Variants in PLEKHG1 observed in about 807,000 individuals in gnomAD.
The protein encoded by PLEKHG1 is pleckstrin homology domain-containing family G member 1.
In PLEKHG1, 44 loss-of-function variants were observed where a neutral mutation model predicts 100.8. The ratio of observed to expected loss-of-function variants is 0.44; its 90% CI spans 0.34 to 0.56. PLEKHG1 has a LOEUF of 0.56. PLEKHG1 is among the 20% of genes least tolerant of loss of function. PLEKHG1 has a pLI of 0.01. For synonymous variants in PLEKHG1, 640 were observed against 662.5 expected, an observed-to-expected ratio of 0.97 and a Z score of 0.52; for missense variants, 1,545 against 1,720.9, an observed-to-expected ratio of 0.90 and a Z score of 1.81.
chr6:150,733,411 T>C (rs953623590), intron 1 of PLEKHG1, among the ~76,000 whole-genome samples, 173 bp from the exon 3 acceptor site: 17 of 152,196 alleles, frequency 1.1e-4, no homozygotes, highest in African/African-American at 4.1e-4. Flanking sequence ...CAGATGATGC[T>C]TCAGAAACAC....
intron 3 of PLEKHG1, among the ~76,000 whole-genome samples, chr6:150,715,365 T>C (rs2128606220): frequency 6.6e-6 from 1 of 152,310 alleles, no homozygotes; most frequent in East Asian, 1.9e-4. Context: ...AGAATGGTGT[T>C]AGTACGTTAG....
At chr6:150,714,618 C>T (rs151309540) in intron 3 of PLEKHG1, among the ~76,000 whole-genome samples, 147 of 152,264 alleles carry the variant, frequency 9.7e-4, no homozygotes, top group African/African-American at 3.3e-3. Flanking sequence ...TCAATACTGA[C>T]ATTTAGTTCA....
intron 2 of PLEKHG1, among the ~76,000 whole-genome samples, chr6:150,647,054 A>T (rs1301310087): frequency 1.3e-5 from 2 of 152,222 alleles, no homozygotes; most frequent in Non-Finnish European, 2.9e-5. Flanking sequence ...TGTGCTTACG[A>T]ACAAATTTAT....
intron 1 of PLEKHG1, among the ~76,000 whole-genome samples, chr6:150,602,444 C>T (rs1445908559): frequency 1.3e-5 from 2 of 152,180 alleles, no homozygotes; most frequent in Non-Finnish European, 2.9e-5. Flanking sequence ...CTCACATCTA[C>T]GTCTCTGTAG....
intron 3 of PLEKHG1, among the ~76,000 whole-genome samples, chr6:150,669,593 C>CTTTTTTT (rs1214928577): frequency 2.4e-5 from 3 of 127,604 alleles, no homozygotes; most frequent in African/African-American, 2.9e-5. Context: ...AAGAATTATT[C>CTTTTTTT]TTTTTTTTTT....
At chr6:150,832,331 A>G (rs1435907956) in intron 15 of PLEKHG1, 126 bp downstream of exon 16, 4 of 740,356 alleles carry the variant, frequency 5.4e-6, no homozygotes, top group Non-Finnish European at 6.4e-6. Context: ...ATCTCAAAGT[A>G]AGACCACAGA....
intron 2 of PLEKHG1, among the ~76,000 whole-genome samples, chr6:150,746,056 G>A (rs1388968251): frequency 6.6e-6 from 1 of 152,104 alleles, no homozygotes; most frequent in East Asian, 1.9e-4. Flanking sequence ...CAACGGGGAG[G>A]GTCACCTGCC....
chr6:150,698,660 C>T (rs755465028), intron 3 of PLEKHG1, among the ~76,000 whole-genome samples: 5 of 152,218 alleles, frequency 3.3e-5, no homozygotes, highest in South Asian at 2.1e-4. Flanking sequence ...GTAGGCCAGA[C>T]GATACATAAA....
intron 2 of PLEKHG1, among the ~76,000 whole-genome samples, chr6:150,767,506 C>G (rs1784506826): frequency 6.6e-6 from 1 of 152,164 alleles, no homozygotes; most frequent in Non-Finnish European, 1.5e-5. Context: ...AAATGTGCCA[C>G]TTGAGAAAGT....
intron 3 of PLEKHG1, among the ~76,000 whole-genome samples, chr6:150,773,519 G>A (rs1164677539): frequency 6.6e-6 from 1 of 152,218 alleles, no homozygotes; most frequent in Non-Finnish European, 1.5e-5. Context: ...CGGCGACAAA[G>A]CGAGACTCCG....
At chr6:150,685,349 C>T (rs1780081938) in intron 3 of PLEKHG1, among the ~76,000 whole-genome samples, 1 of 152,134 alleles carries the variant, frequency 6.6e-6, no homozygotes, top group Non-Finnish European at 1.5e-5. Context: ...GGTGGCTTTG[C>T]CCCTGAGCAG....
intron 3 of PLEKHG1, among the ~76,000 whole-genome samples, chr6:150,707,146 A>G (rs1192870193): frequency 6.6e-6 from 1 of 151,498 alleles, no homozygotes; most frequent in South Asian, 2.1e-4. Flanking sequence ...CTGGGATTAC[A>G]GGTGCGCGCC....
intron 1 of PLEKHG1, among the ~76,000 whole-genome samples, chr6:150,620,521 A>G (rs1224206589): frequency 1.3e-5 from 2 of 152,222 alleles, no homozygotes; most frequent in South Asian, 2.1e-4. Flanking sequence ...CTCTATGGCC[A>G]TCGGGCCCTC....
At chr6:150,824,642 C>T (rs1381301014) in intron 14 of PLEKHG1, among the ~76,000 whole-genome samples, 1 of 151,964 alleles carries the variant, frequency 6.6e-6, no homozygotes, top group Non-Finnish European at 1.5e-5. Context: ...CTGCCTCAGC[C>T]TCCCAAGTAG....
chr6:150,817,492 T>A (rs1743612920), intron 10 of PLEKHG1, among the ~76,000 whole-genome samples: 1 of 151,786 alleles, frequency 6.6e-6, no homozygotes, highest in African/African-American at 2.4e-5. Context: ...GTGATAAAGA[T>A]ACCAGGCTCC....
chr6:150,659,520 G>T (rs1298934485), intron 3 of PLEKHG1, among the ~76,000 whole-genome samples: 1 of 152,130 alleles, frequency 6.6e-6, no homozygotes, highest in Non-Finnish European at 1.5e-5. Context: ...TTTAGTTGTG[G>T]ATATCAGAGC....
intron 2 of PLEKHG1, among the ~76,000 whole-genome samples, chr6:150,745,597 C>T (rs1266820601): frequency 6.6e-6 from 1 of 151,552 alleles, no homozygotes; most frequent in Non-Finnish European, 1.5e-5. Flanking sequence ...GCAGGAGAAT[C>T]GCTTGAACCT....
intron 1 of PLEKHG1, among the ~76,000 whole-genome samples, chr6:150,604,850 C>A (rs1349748647): frequency 1.3e-5 from 2 of 152,182 alleles, no homozygotes; most frequent in Non-Finnish European, 2.9e-5. Flanking sequence ...TTGACACAGA[C>A]CACAGATAAC....
At chr6:150,805,997 A>G (rs1787066123) in intron 7 of PLEKHG1, among the ~76,000 whole-genome samples, 1 of 152,214 alleles carries the variant, frequency 6.6e-6, no homozygotes, top group South Asian at 2.1e-4. Context: ...GCATGGGCCC[A>G]GAGGCCAGTT....
Sources: gnomAD v4.1 joint callset for allele counts (sites outside exome capture counted in the v4.1 genomes callset) on GRCh38, gnomAD v4.1.1 for gene constraint, MANE v1.5 for transcripts, NCBI Gene and HGNC (gene_info 2026-07-23, HGNC 2026-07-21) for gene names.